Variants in SLC4A3 observed in about 807,000 individuals in gnomAD.
SLC4A3 encodes anion exchange protein 3.
In SLC4A3, 47 loss-of-function variants were observed where a neutral mutation model predicts 114.2. The ratio of observed to expected loss-of-function variants is 0.41; its 90% CI spans 0.33 to 0.52. The LOEUF (loss-of-function observed/expected upper bound fraction) is 0.52. Ranked by LOEUF, SLC4A3 falls within the 20% of genes least tolerant of loss-of-function variation. The pLI is 0.21. For synonymous variants in SLC4A3, 693 were observed against 710.3 expected (o/e 0.98, Z 0.39); for missense variants, 1,312 against 1,668.3 (o/e 0.79, Z 3.72).
At position 219,636,250 on chromosome 2, in the gene SLC4A3, GGGGGC is replaced by G; in HGVS notation, c.2192-51_2192-47del. 6.2e-7 allele frequency: 1 copy of G among 1,605,376 alleles called. No homozygotes were observed. ...AGTTTAGGACAAGCTAGATGAAGAA[GGGGGC>G]AGATAGACAGAGCCAGGCTAGGGCC... On this transcript the variant is annotated intron_variant, in intron 14 of 22. Transcript: ENST00000358055. The surrounding 1 kb of genome is among the most constrained non-coding windows in gnomAD (Gnocchi z 5.5).
chr2:219,638,103 G>A lies in SLC4A3; in HGVS notation c.2767-61G>A, dbSNP rs369733381. 1.0e-4 allele frequency: 138 copies of A among 1,355,220 alleles called. No individual in the cohort carries two copies. The highest frequency in any genetic ancestry group is 1.7e-4 in the Admixed American group (9 of 52,424). The allele number at this position is 1,355,220 out of a possible 1,614,324, so 83.9% of individuals were successfully genotyped here. ...GGCAGGGCCAGAGATGGCAAGCCCC[G>A]TGTTAGTCTGCTGACCTTGCCTCCA... On this transcript the variant is annotated intron_variant, in intron 17 of 22. Transcript: ENST00000358055. The surrounding 1 kb of genome is among the most constrained non-coding windows in gnomAD (Gnocchi z 7.5).
rs1574654568 is a variant in SLC4A3 at position 219,636,552 on chromosome 2, T to A, written c.2340+102T>A. 1 of 1,483,550 alleles carries A rather than the reference T, an allele frequency of 6.7e-7. No homozygotes were observed. 91.9% of individuals were successfully genotyped at this position (1,483,550 alleles called of 1,614,324 possible). On this transcript the variant is annotated intron_variant, in intron 15 of 22. Transcript: ENST00000358055. The surrounding 1 kb of genome is among the most constrained non-coding windows in gnomAD (Gnocchi z 5.5). ...CTTACCTACATCCTGCCCCACACTCTTCCTTACCTAGGGGATGGGTCCCTG... is the reference window on the plus strand; with the variant it reads ...CTTACCTACATCCTGCCCCACACTCATCCTTACCTAGGGGATGGGTCCCTG...
rs1180676681 is a variant in SLC4A3 at position 219,638,467 on chromosome 2, C to T, written c.2856+214C>T. ...GGGCTGGGAGCAGAATGACAGTATC[C>T]CACACAGGTCCCCTGAAGCTCTGGG... On this transcript the variant is annotated intron_variant, in intron 18 of 22. Transcript: ENST00000358055. The surrounding 1 kb of genome is among the most constrained non-coding windows in gnomAD (Gnocchi z 7.5). 6.6e-6 allele frequency among the ~76,000 whole-genome samples: 1 copy of T among 152,186 alleles called. No homozygotes were observed. The highest frequency in any genetic ancestry group is 1.5e-5 in the Non-Finnish European group (1 of 68,022).
Position 219,631,051 on chromosome 2 carries a change from G to A in SLC4A3, c.811+699G>A, listed in dbSNP as rs1698900802. On this transcript the variant is annotated intron_variant, in intron 6 of 22. Coordinates refer to ENST00000358055, the MANE Select transcript of SLC4A3 (RefSeq NM_005070.4). This position sits in a 1 kb window ranked among gnomAD's most constrained non-coding sequence, Gnocchi z 6.3. ...CAGGATGGGGGGTGGGGGAGGGCGT[G>A]TTTACAGACCCAGGGTGGGGGCTGG... The A allele has an allele frequency of 3.2e-6, 3 of 930,424 alleles. No individual in the cohort carries two copies. Among genetic ancestry groups the A allele is most frequent in the African/African-American group, 1.8e-5 (1 of 55,022 alleles). 57.6% of individuals were successfully genotyped at this position (930,424 alleles called of 1,614,324 possible).
chr2:219,631,932 G>A lies in SLC4A3; in HGVS notation c.812-36G>A. On this transcript the variant is annotated intron_variant, in intron 6 of 22. Transcript: ENST00000358055. This position sits in a 1 kb window ranked among gnomAD's most constrained non-coding sequence, Gnocchi z 6.3. ...GGCCGTGACCCCGAGGGCCCCAGCT[G>A]GACCTGTGGGACCCCCAAGCCCATC... The A allele has an allele frequency of 6.4e-7, 1 of 1,553,278 alleles. No homozygotes were observed. Among genetic ancestry groups the A allele is most frequent in the Non-Finnish European group, 8.7e-7 (1 of 1,150,460 alleles).
chr2:219,636,807 C>G lies in SLC4A3; in HGVS notation c.2468C>G (p.Thr823Ser). The G allele has an allele frequency of 6.2e-7, 1 of 1,614,110 alleles. No individual in the cohort carries two copies. The highest frequency in any genetic ancestry group is 1.3e-5 in the African/African-American group (1 of 75,046). Residue 823 changes from threonine to serine, a missense_variant, in exon 16 of 23, where the codon ACC becomes AGC. Coordinates refer to ENST00000358055, the MANE Select transcript of SLC4A3 (RefSeq NM_005070.4). The surrounding 1 kb of genome is among the most constrained non-coding windows in gnomAD (Gnocchi z 5.5). The part of the protein sequence containing the change: ...SFLVRYISPF[T>S]QEIFAFLISL... ...CTGGTCCGCTACATCTCGCCTTTCA[C>G]CCAGGAGATCTTTGCCTTTCTCATC...
chr2:219,640,613 G>C lies in SLC4A3; in HGVS notation c.3447+14G>C. 1 of 1,612,722 alleles carries C rather than the reference G, an allele frequency of 6.2e-7. No homozygotes were observed. Among genetic ancestry groups the C allele is most frequent in the Non-Finnish European group, 8.5e-7 (1 of 1,179,128 alleles). On this transcript the variant is annotated intron_variant, in intron 21 of 22. Transcript: ENST00000358055. ...TATGTGACCAAGGTAGGGCCGGGAA[G>C]CATGGGGGTAGGGCAGTGGGGTGAC...
Position 219,628,780 on chromosome 2 carries a change from C to A in SLC4A3, c.217+210C>A. On this transcript the variant is annotated intron_variant, in intron 3 of 22. Transcript: ENST00000358055. The surrounding 1 kb of genome is among the most constrained non-coding windows in gnomAD (Gnocchi z 4.8). ...CTGCCTGGGGAGGTGGGCCCCAGACCAGGGGAGATCTAGGGAGCTGGGCCT... is the reference window on the plus strand; with the variant it reads ...CTGCCTGGGGAGGTGGGCCCCAGACAAGGGGAGATCTAGGGAGCTGGGCCT... 1.6e-6 allele frequency: 1 copy of A among 633,052 alleles called. No individual in the cohort carries two copies. The highest frequency in any genetic ancestry group is 3.0e-5 in the Admixed American group (1 of 32,838). The allele number at this position is 633,052 out of a possible 1,614,324, so 39.2% of individuals were successfully genotyped here. A position where few individuals can be genotyped will look rare whatever the true frequency, so the allele number is the denominator to read the frequency against.
chr2:219,633,498 G>T, intron 10 of SLC4A3, 41 bp downstream of exon 10: 1 of 1,469,064 alleles, frequency 6.8e-7, no homozygotes, highest in African/African-American at 1.4e-5. Flanking sequence ...GGACTGAGAG[G>T]GTGTCCAGTT....
At chr2:219,632,482 T>C (rs1698961931) in intron 8 of SLC4A3, 40 bp downstream of exon 8, 1 of 1,548,702 alleles carries the variant, frequency 6.5e-7, no homozygotes, top group African/African-American at 1.4e-5. Flanking sequence ...GCAAGCCCTC[T>C]TCAGTCTGTG....
In SLC4A3 at chr2:219,641,124, G is replaced by T. The variant is rs982418859; in HGVS notation, c.3621+162G>T. Among the ~76,000 whole-genome samples, 5 of 152,174 alleles carry T rather than the reference G, an allele frequency of 3.3e-5. No homozygotes were observed. The highest frequency in any genetic ancestry group is 1.2e-4 in the African/African-American group (5 of 41,430). ...TCTTATTTTCACCTGTATAATAGGGGTGATCATAGACCCTACCTTATAGGA... is the reference window on the plus strand; with the variant it reads ...TCTTATTTTCACCTGTATAATAGGGTTGATCATAGACCCTACCTTATAGGA... On this transcript the variant is annotated intron_variant, in intron 22 of 22. Transcript: ENST00000358055. The surrounding 1 kb of genome is among the most constrained non-coding windows in gnomAD (Gnocchi z 4.0).
rs751357612 is a variant in SLC4A3 at position 219,633,341 on chromosome 2, G to A, written c.1345G>A (p.Val449Ile). The change falls in exon 10 of 23, where the codon GTT becomes ATT. Residue 449 changes from valine to isoleucine, a missense_variant. Val to Ile is a conservative substitution (Grantham distance 29). Around this residue, in one of 4 missense-constraint regions of SLC4A3, gnomAD observed 771 missense variants for 977.7 expected, o/e 0.79. Coordinates refer to ENST00000358055, the MANE Select transcript of SLC4A3 (RefSeq NM_005070.4). ...RNPSSSSMNSVLGNHHPTPSH... is the reference protein window; with the variant it reads ...RNPSSSSMNSILGNHHPTPSH... ...CCCATCGAGCTCCAGCATGAACTCG[G>A]TTCTGGGGAATCATCACCCAACTCC... 1 of 1,607,292 alleles carries A rather than the reference G, an allele frequency of 6.2e-7. No individual in the cohort carries two copies. Among genetic ancestry groups the A allele is most frequent in the African/African-American group, 1.3e-5 (1 of 74,882 alleles).
chr2:219,640,836 C>T lies in SLC4A3; in HGVS notation c.3495C>T (p.Cys1165=). 1 of 1,612,590 alleles carries T rather than the reference C, an allele frequency of 6.2e-7. No homozygotes were observed. Among genetic ancestry groups the T allele is most frequent in the Non-Finnish European group, 8.5e-7 (1 of 1,180,024 alleles). ...TGTTCACCTGCATCCAGCTGGGCTGCATCGCACTGCTCTGGGTGGTCAAGT... is the reference window on the plus strand; with the variant it reads ...TGTTCACCTGCATCCAGCTGGGCTGTATCGCACTGCTCTGGGTGGTCAAGT... The part of the protein sequence containing the change: ...MHLFTCIQLG[C]IALLWVVKST... The change falls in exon 22 of 23, where the codon TGC becomes TGT. Residue 1165 remains cysteine, a synonymous_variant. Transcript: ENST00000358055.
In SLC4A3 at chr2:219,636,285, T is replaced by C; in HGVS notation, c.2192-17T>C. ...AGACAGAGCCAGGCTAGGGCCATCC[T>C]ACCCGTGCTATGGCAGGAGAGAAGA... On this transcript the variant is annotated splice_polypyrimidine_tract_variant and intron_variant, in intron 14 of 22. Transcript: ENST00000358055. The surrounding 1 kb of genome is among the most constrained non-coding windows in gnomAD (Gnocchi z 5.5). 6.2e-7 allele frequency: 1 copy of C among 1,613,014 alleles called. No homozygotes were observed. Among genetic ancestry groups the C allele is most frequent in the Non-Finnish European group, 8.5e-7 (1 of 1,179,854 alleles).
At position 219,636,174 on chromosome 2, in the gene SLC4A3, G is replaced by T. The variant is rs1300140933; in HGVS notation, c.2192-128G>T. 3.8e-6 allele frequency: 4 copies of T among 1,065,802 alleles called. No individual in the cohort carries two copies. The Admixed American group carries it at 7.8e-5, about 21-fold the overall frequency. 66.0% of individuals were successfully genotyped at this position (1,065,802 alleles called of 1,614,324 possible). A position where few individuals can be genotyped will look rare whatever the true frequency, so the allele number is the denominator to read the frequency against. ...GGTTTGGGAGCAATGGGGTATGGAA[G>T]GGGCCCTGTGTGTCACTCTAAGGGG... On this transcript the variant is annotated intron_variant, in intron 14 of 22. Coordinates refer to ENST00000358055, the MANE Select transcript of SLC4A3 (RefSeq NM_005070.4). The surrounding 1 kb of genome is among the most constrained non-coding windows in gnomAD (Gnocchi z 5.5).
Position 219,631,834 on chromosome 2 carries a change from T to C in SLC4A3, c.812-134T>C. The C allele has an allele frequency of 2.1e-6, 2 of 968,038 alleles. No individual in the cohort carries two copies. The highest frequency in any genetic ancestry group is 3.3e-5 in the South Asian group (2 of 60,150). 60.0% of individuals were successfully genotyped at this position (968,038 alleles called of 1,614,324 possible). On this transcript the variant is annotated intron_variant, in intron 6 of 22. Coordinates refer to ENST00000358055, the MANE Select transcript of SLC4A3 (RefSeq NM_005070.4). This position sits in a 1 kb window ranked among gnomAD's most constrained non-coding sequence, Gnocchi z 6.3. ...TCAATGAAATGGCCACATGGGATTA[T>C]GTGGTTCCCGTCGGCATGGCCTGTT...
Position 219,637,672 on chromosome 2 carries a change from C to T in SLC4A3, c.2627C>T (p.Ala876Val), listed in dbSNP as rs760268231. The stretch of plus-strand genomic sequence containing the variant: ...GCTGGTCTGGAGCCAAATGGCAGTG[C>T]CCTGCCCCCCACCGAGGGCCCCCCC... Reference protein sequence around the residue: ...LDAGLEPNGSALPPTEGPPSP... With the variant: ...LDAGLEPNGSVLPPTEGPPSP... Residue 876 changes from alanine to valine, a missense_variant, in exon 17 of 23, where the codon GCC becomes GTC. Coordinates refer to ENST00000358055, the MANE Select transcript of SLC4A3 (RefSeq NM_005070.4). The surrounding 1 kb of genome is among the most constrained non-coding windows in gnomAD (Gnocchi z 4.6). 22 of 1,611,872 alleles carry T rather than the reference C, an allele frequency of 1.4e-5. No individual in the cohort carries two copies. Among genetic ancestry groups the T allele is most frequent in the Non-Finnish European group, 1.7e-5 (20 of 1,178,130 alleles).
In SLC4A3 at chr2:219,632,252, C is replaced by T. The variant is rs182991533; in HGVS notation, c.961-10C>T. The stretch of plus-strand genomic sequence containing the variant: ...GGCCCCTGGGCCCTCACCTTTGGCA[C>T]GCCCCCCAGGTGTTCGTGGAGCTGA... On this transcript the variant is annotated splice_polypyrimidine_tract_variant and intron_variant, in intron 7 of 22. Coordinates refer to ENST00000358055, the MANE Select transcript of SLC4A3 (RefSeq NM_005070.4). The T allele has an allele frequency of 7.5e-3, 12,056 of 1,613,804 alleles. 403 individuals carry two copies. Among genetic ancestry groups the T allele is most frequent in the Admixed American group, 0.069 (4,127 of 59,990 alleles).
rs985907743 is a variant in SLC4A3 at position 219,638,019 on chromosome 2, G to A, written c.2767-145G>A. 2 of 734,426 alleles carry A rather than the reference G, an allele frequency of 2.7e-6. No individual in the cohort carries two copies. Among genetic ancestry groups the A allele is most frequent in the Non-Finnish European group, 4.7e-6 (2 of 424,518 alleles). The allele number at this position is 734,426 out of a possible 1,614,324, so 45.5% of individuals were successfully genotyped here. A position where few individuals can be genotyped will look rare whatever the true frequency, so the allele number is the denominator to read the frequency against. On this transcript the variant is annotated intron_variant, in intron 17 of 22. Transcript: ENST00000358055. This position sits in a 1 kb window ranked among gnomAD's most constrained non-coding sequence, Gnocchi z 7.5. Reference sequence around the variant, plus strand: ...TCAAGACAACAGCCTCCCAGGCTGCGCTGGCACCTGTGGGGTTGAGAGGCA... The same window carrying A: ...TCAAGACAACAGCCTCCCAGGCTGCACTGGCACCTGTGGGGTTGAGAGGCA...
Sources: gnomAD v4.1 joint callset for allele counts (sites outside exome capture counted in the v4.1 genomes callset) on GRCh38, gnomAD v4.1.1 for gene constraint, gnomAD v4.1.1 regional missense constraint, Gnocchi (gnomAD v3.1) non-coding constraint, MANE v1.5 for transcripts, NCBI Gene and HGNC (gene_info 2026-07-23, HGNC 2026-07-21) for gene names.